Variants in TPRG1 observed in about 807,000 individuals in gnomAD.
TPRG1 encodes tumor protein p63-regulated gene 1 protein.
Under a neutral mutation model 29.3 loss-of-function variants are expected in TPRG1, and 29 were observed. The observed-to-expected ratio is 0.99, with a 90% confidence interval of 0.74 to 1.35. The LOEUF (loss-of-function observed/expected upper bound fraction) is 1.35. Ranked by LOEUF, TPRG1 falls within the 40% of genes most tolerant of loss-of-function variation. The pLI, the probability that TPRG1 is intolerant of heterozygous loss-of-function variation, is 0.00. For synonymous variants in TPRG1, 130 were observed against 116.8 expected (o/e 1.11, Z -0.73); for missense variants, 327 against 335.0 (o/e 0.98, Z 0.19).
intron 5 of TPRG1, among the ~76,000 whole-genome samples, chr3:189,153,779 G>A (rs564453712): frequency 5.9e-5 from 9 of 152,320 alleles, no homozygotes; most frequent in Non-Finnish European, 1.3e-4. Context: ...TAGGCAAAAA[G>A]CAGAACTGAT....
chr3:189,102,959 C>T (rs921462760), intron 1 of TPRG1, among the ~76,000 whole-genome samples: 1 of 152,158 alleles, frequency 6.6e-6, no homozygotes, highest in African/African-American at 2.4e-5. Context: ...TCCTCTTAAA[C>T]TTGTCTCAGC....
intron 5 of TPRG1, among the ~76,000 whole-genome samples, chr3:189,316,969 A>G (rs926656752): frequency 6.6e-6 from 1 of 152,042 alleles, no homozygotes; most frequent in African/African-American, 2.4e-5. Context: ...CTCTGTAACC[A>G]TGCCCTCCCC....
chr3:189,173,677 A>C (rs1729126160), intron 1 of TPRG1, among the ~76,000 whole-genome samples: 1 of 152,106 alleles, frequency 6.6e-6, no homozygotes, highest in Non-Finnish European at 1.5e-5. Flanking sequence ...TGCACAAGTC[A>C]CACAGCCAGT....
chr3:189,281,514 C>A (rs1717122838), intron 4 of TPRG1, among the ~76,000 whole-genome samples: 1 of 151,970 alleles, frequency 6.6e-6, no homozygotes, highest in Non-Finnish European at 1.5e-5. Flanking sequence ...AGCCAATCAC[C>A]CATTGAACTA....
chr3:189,080,599 C>A (rs1331260554), intron 4 of TPRG1, among the ~76,000 whole-genome samples: 1 of 151,924 alleles, frequency 6.6e-6, no homozygotes. Context: ...TGGCAGTTGA[C>A]CAGCATAGGT....
chr3:189,170,543 A>G (rs1054174733), upstream of TPRG1, among the ~76,000 whole-genome samples: 1 of 152,158 alleles, frequency 6.6e-6, no homozygotes, highest in African/African-American at 2.4e-5. Context: ...CATCTTCTAT[A>G]TCGTGCAATG....
intron 1 of TPRG1, among the ~76,000 whole-genome samples, chr3:189,204,841 A>C (rs1734060088): frequency 6.6e-6 from 1 of 152,148 alleles, no homozygotes; most frequent in Non-Finnish European, 1.5e-5. Flanking sequence ...TAAAGGTGGC[A>C]GACCTGCATA....
chr3:189,033,827 C>T (rs537367150), intron 4 of TPRG1, among the ~76,000 whole-genome samples: 49 of 152,032 alleles, frequency 3.2e-4, no homozygotes, highest in African/African-American at 1.0e-3. Context: ...CCACCTGCCT[C>T]GGCCTCCCAA....
intron 4 of TPRG1, among the ~76,000 whole-genome samples, chr3:189,252,511 A>C (rs923259419): frequency 6.6e-6 from 1 of 152,194 alleles, no homozygotes; most frequent in Admixed American, 6.5e-5. Flanking sequence ...GATTTTAATT[A>C]AAAACCAATT....
At chr3:189,198,105 A>C (rs1030713422) in intron 1 of TPRG1, among the ~76,000 whole-genome samples, 1 of 152,268 alleles carries the variant, frequency 6.6e-6, no homozygotes, top group South Asian at 2.1e-4. Context: ...CTGTAACCAG[A>C]TCTTCAAGGG....
chr3:189,028,270 G>A (rs904062927), intron 4 of TPRG1, among the ~76,000 whole-genome samples: 1 of 152,202 alleles, frequency 6.6e-6, no homozygotes, highest in African/African-American at 2.4e-5. Context: ...TGCCCTATTT[G>A]CCACCCAAGA....
At chr3:189,135,781 C>T (rs546936205) in intron 3 of TPRG1, among the ~76,000 whole-genome samples, 1 of 152,142 alleles carries the variant, frequency 6.6e-6, no homozygotes, top group Non-Finnish European at 1.5e-5. Context: ...GCAGTGTAGT[C>T]CCTGTCATTG....
chr3:189,289,924 A>G (rs966783578), intron 4 of TPRG1, among the ~76,000 whole-genome samples: 6 of 152,202 alleles, frequency 3.9e-5, no homozygotes, highest in Non-Finnish European at 1.5e-5. Context: ...TGCCATATCT[A>G]CCTGAAGCCT....
intron 1 of TPRG1, among the ~76,000 whole-genome samples, chr3:189,178,142 G>C (rs2108684680): frequency 6.6e-6 from 1 of 152,322 alleles, no homozygotes; most frequent in South Asian, 2.1e-4. Context: ...TTCCTTTCAA[G>C]GAGCTTATTT....
chr3:189,311,892 A>G (rs1417860191), intron 5 of TPRG1, among the ~76,000 whole-genome samples: 1 of 152,140 alleles, frequency 6.6e-6, no homozygotes, highest in Admixed American at 6.5e-5. Flanking sequence ...AGAATATGAG[A>G]ACAGACTCAC....
intron 4 of TPRG1, among the ~76,000 whole-genome samples, chr3:189,252,217 T>C (rs1742394358): frequency 6.6e-6 from 1 of 152,174 alleles, no homozygotes; most frequent in African/African-American, 2.4e-5. Context: ...GGTAAGGTTA[T>C]AGATTAACAG....
intron 3 of TPRG1, among the ~76,000 whole-genome samples, chr3:189,218,945 A>C (rs1350685596): frequency 6.6e-6 from 1 of 152,190 alleles, no homozygotes; most frequent in Non-Finnish European, 1.5e-5. Context: ...GGGCCTTTGC[A>C]TCATGTTAAA....
intron 5 of TPRG1, among the ~76,000 whole-genome samples, chr3:189,316,147 G>T (rs1198158607): frequency 6.6e-6 from 1 of 152,180 alleles, no homozygotes; most frequent in East Asian, 1.9e-4. Context: ...AGAGAGGAGG[G>T]TTGGGGGATG....
At chr3:189,175,454 G>A (rs1355117270) in intron 1 of TPRG1, among the ~76,000 whole-genome samples, 3 of 152,224 alleles carry the variant, frequency 2.0e-5, no homozygotes, top group Non-Finnish European at 4.4e-5. Flanking sequence ...CCTGGGTGCT[G>A]GCAGGCTCAG....
Sources: gnomAD v4.1 joint callset for allele counts (sites outside exome capture counted in the v4.1 genomes callset) on GRCh38, gnomAD v4.1.1 for gene constraint, MANE v1.5 for transcripts, NCBI Gene and HGNC (gene_info 2026-07-23, HGNC 2026-07-21) for gene names.